EBAG9: variants seen among roughly 807,000 people sequenced by gnomAD.
The protein encoded by EBAG9 is estrogen receptor binding site associated antigen 9, also known as receptor-binding cancer antigen expressed on SiSo cells.
A neutral mutation model predicts 30.9 loss-of-function variants in EBAG9; 16 were observed. The ratio of observed to expected loss-of-function variants is 0.52; its 90% confidence interval spans 0.35 to 0.79. EBAG9 has a LOEUF of 0.79. Ranked by LOEUF, EBAG9 falls within the 30% of genes least tolerant of loss-of-function variation. The pLI is 0.01. For missense variants in EBAG9, 197 were observed against 242.1 expected, an observed-to-expected ratio of 0.81 and a Z score of 1.24; for synonymous variants, 93 against 82.8, an observed-to-expected ratio of 1.12 and a Z score of -0.67.
chr8:109,560,588 G>A (rs1563657834), intron 5 of EBAG9, among the ~76,000 whole-genome samples: 1 of 152,146 alleles, frequency 6.6e-6, no homozygotes, highest in Admixed American at 6.5e-5. Context: ...GAATTTAAGA[G>A]AGTATCCCAT....
chr8:109,559,429 GC>G (rs36037062), intron 5 of EBAG9, among the ~76,000 whole-genome samples: 2 of 152,166 alleles, frequency 1.3e-5, no homozygotes, highest in Non-Finnish European at 2.9e-5. Flanking sequence ...CTACACTCCA[GC>G]CTAGGTGACA....
In EBAG9 at chr8:109,560,799, G is replaced by A. The variant is rs780781637; in HGVS notation, c.430-39G>A. On this transcript the variant is annotated intron_variant, in intron 5 of 6. Coordinates refer to ENST00000337573, the MANE Select transcript of EBAG9 (RefSeq NM_004215.5). ...TTAACGGCTATGTGGAGAAAGGATG[G>A]CTTTTACTCTCTTAATTTTGTTTTA... 67 of 1,442,304 alleles carry A rather than the reference G, an allele frequency of 4.6e-5. No homozygotes were observed. In the South Asian group the frequency reaches 7.7e-4, roughly 17 times the overall value. The allele number at this position is 1,442,304 out of a possible 1,614,324, so 89.3% of individuals were successfully genotyped here.
Position 109,565,402 on chromosome 8 carries a change from C to T in EBAG9, c.*843C>T, listed in dbSNP as rs1321884478. ...GCCATTAATTTACAAATGCTTAAAG[C>T]CATCAGGTCAAATATTTCAAAGCCT... is the stretch of plus-strand genomic sequence containing the variant. On this transcript the variant is annotated 3_prime_UTR_variant, in exon 7 of 7. Coordinates refer to ENST00000337573, the MANE Select transcript of EBAG9 (RefSeq NM_004215.5). 1 of 151,978 alleles carries T rather than the reference C, an allele frequency of 6.6e-6. No individual in the cohort carries two copies. The highest frequency in any genetic ancestry group is 1.5e-5 in the Non-Finnish European group (1 of 67,914). The allele number at this position is 151,978 out of a possible 1,614,324, so 9.4% of individuals were successfully genotyped here. A position where few individuals can be genotyped will look rare whatever the true frequency, so the allele number is the denominator to read the frequency against.
chr8:109,541,931 T>C (rs1164011341), intron 1 of EBAG9, among the ~76,000 whole-genome samples: 1 of 152,232 alleles, frequency 6.6e-6, no homozygotes. Flanking sequence ...TGCAACTGGT[T>C]GGAAAATTTA....
At chr8:109,548,347 G>A (rs750118009) in intron 1 of EBAG9, among the ~76,000 whole-genome samples, 5 of 151,170 alleles carry the variant, frequency 3.3e-5, no homozygotes, top group South Asian at 2.1e-4. Context: ...TGATCTATTC[G>A]TGTATTTTGA....
In EBAG9 at chr8:109,550,851, T is replaced by G; in HGVS notation, c.27T>G (p.Phe9Leu). 1 of 1,604,134 alleles carries G rather than the reference T, an allele frequency of 6.2e-7. No individual in the cohort carries two copies. Among genetic ancestry groups the G allele is most frequent in the Non-Finnish European group, 8.5e-7 (1 of 1,173,928 alleles). ...TGGCCATCACCCAGTTTCGGTTATT[T>G]AAATTTTGTACCTGCCTAGCAACAG... is the stretch of plus-strand genomic sequence containing the variant. MAITQFRL[F>L]KFCTCLATVF... Residue 9 changes from phenylalanine to leucine, a missense_variant, in exon 2 of 7, where the codon TTT becomes TTG. By Grantham distance (22) the Phe-to-Leu change is conservative. Coordinates refer to ENST00000337573, the MANE Select transcript of EBAG9 (RefSeq NM_004215.5).
chr8:109,563,576 T>C, intron 6 of EBAG9: 1 of 1,456,910 alleles, frequency 6.9e-7, no homozygotes, highest in Non-Finnish European at 9.1e-7. Flanking sequence ...TACCTACCAC[T>C]CTTTTTTTTT....
chr8:109,556,789 T>C (rs1821606442), intron 4 of EBAG9, 146 bp from the exon 5 acceptor site: 1 of 414,136 alleles, frequency 2.4e-6, no homozygotes, highest in Non-Finnish European at 4.2e-6. Context: ...CCCTGGGAAA[T>C]TGGTATTTAC....
Position 109,564,687 on chromosome 8 carries a change from C to T in EBAG9, c.*128C>T. ...ATTTTAATACATTGATCAGGCCATC[C>T]AGGACACCACGATTCTCCCAAAGTA... On this transcript the variant is annotated 3_prime_UTR_variant, in exon 7 of 7. Coordinates refer to ENST00000337573, the MANE Select transcript of EBAG9 (RefSeq NM_004215.5). 1 of 1,313,402 alleles carries T rather than the reference C, an allele frequency of 7.6e-7. No homozygotes were observed. The highest frequency in any genetic ancestry group is 1.0e-6 in the Non-Finnish European group (1 of 967,236). The allele number at this position is 1,313,402 out of a possible 1,614,324, so 81.4% of individuals were successfully genotyped here.
At position 109,550,887 on chromosome 8, in the gene EBAG9, C is replaced by G. The variant is rs1170262774; in HGVS notation, c.63C>G (p.Phe21Leu). ...CCTGCCTAGCAACAGTATTCTCATT[C>G]CTAAAGAGATTAATATGCAGGTAAA... Reference protein sequence around the residue: ...FCTCLATVFSFLKRLICRSGR... With the variant: ...FCTCLATVFSLLKRLICRSGR... The change falls in exon 2 of 7, where the codon TTC (phenylalanine) becomes TTG (leucine). Residue 21 changes from phenylalanine (F) to leucine (L), a missense_variant. Phe to Leu is a conservative substitution (Grantham distance 22). Coordinates refer to ENST00000337573, the MANE Select transcript of EBAG9 (RefSeq NM_004215.5). 6.3e-7 allele frequency: 1 copy of G among 1,589,050 alleles called. No individual in the cohort carries two copies.
chr8:109,542,718 T>TA (rs1563651795), intron 1 of EBAG9, among the ~76,000 whole-genome samples: 1 of 152,206 alleles, frequency 6.6e-6, no homozygotes, highest in African/African-American at 2.4e-5. Context: ...ATTCTACTCA[T>TA]AATGAAGCAA....
intron 4 of EBAG9, among the ~76,000 whole-genome samples, chr8:109,555,841 A>C (rs1050641145): frequency 2.8e-4 from 42 of 152,140 alleles, no homozygotes; most frequent in Non-Finnish European, 1.0e-4. Flanking sequence ...TTTTTAAATC[A>C]AAAACTGTAG....
chr8:109,546,680 G>A (rs1023205397), intron 1 of EBAG9, among the ~76,000 whole-genome samples: 8 of 152,272 alleles, frequency 5.3e-5, no homozygotes, highest in East Asian at 1.9e-4. Flanking sequence ...TGTATTTTAT[G>A]TGTGGCCCAA....
chr8:109,560,590 G>A (rs1821690547), intron 5 of EBAG9, among the ~76,000 whole-genome samples: 1 of 152,140 alleles, frequency 6.6e-6, no homozygotes, highest in Non-Finnish European at 1.5e-5. Context: ...ATTTAAGAGA[G>A]TATCCCATGA....
intron 5 of EBAG9, among the ~76,000 whole-genome samples, chr8:109,558,239 T>A (rs1821640299): frequency 6.6e-6 from 1 of 152,166 alleles, no homozygotes; most frequent in Non-Finnish European, 1.5e-5. Flanking sequence ...AAAACACTGT[T>A]TTTACTAAAG....
At chr8:109,545,749 A>G (rs1355170149) in intron 1 of EBAG9, among the ~76,000 whole-genome samples, 1 of 152,122 alleles carries the variant, frequency 6.6e-6, no homozygotes, top group Non-Finnish European at 1.5e-5. Context: ...ATAAAGACAT[A>G]TATCTTGTTA....
intron 1 of EBAG9, among the ~76,000 whole-genome samples, chr8:109,548,887 CTT>C (rs548152043): frequency 1.4e-4 from 17 of 125,088 alleles, no homozygotes; most frequent in Non-Finnish European, 2.2e-4. Context: ...TTTCTTTTTT[CTT>C]TTTTTTTTTT....
rs1472006766 is a variant in EBAG9, at chr8:109,554,793, G to C, written c.227G>C (p.Gly76Ala). The change falls in exon 4 of 7, where the codon GGG (glycine) becomes GCG (alanine). Residue 76 changes from glycine (G) to alanine (A), a missense_variant. By Grantham distance (60) the Gly-to-Ala change is moderately conservative. Transcript: ENST00000337573. ...DAPTSVKIEG[G>A]NGNVATQQNS... ...CCCACCAGTGTAAAGATCGAAGGAG[G>C]GAATGGGAATGTGGCAACACAACAA... is the stretch of plus-strand genomic sequence containing the variant. 15 of 1,613,752 alleles carry C rather than the reference G, an allele frequency of 9.3e-6. No homozygotes were observed. In the South Asian group the frequency reaches 1.6e-4, roughly 18 times the overall value.
intron 1 of EBAG9, 199 bp downstream of exon 1, chr8:109,540,660 C>T (rs1821255375): frequency 6.6e-6 from 1 of 152,224 alleles, no homozygotes; most frequent in African/African-American, 2.4e-5. Flanking sequence ...TACCAGCTCT[C>T]ACACTCCGCT....
Sources: allele counts gnomAD v4.1 joint callset (sites outside exome capture counted in the v4.1 genomes callset), GRCh38; gene constraint gnomAD v4.1.1; transcripts MANE v1.5; gene names NCBI Gene and HGNC (gene_info 2026-07-23, HGNC 2026-07-21).